Variants in AP3B1 observed in about 807,000 individuals in gnomAD.
AP3B1 encodes the protein adaptor related protein complex 3 subunit beta 1, also known as AP-3 complex subunit beta-1.
Under a neutral mutation model 132.5 loss-of-function variants are expected in AP3B1, and 61 were observed. The observed-to-expected ratio is 0.46, with a 90% CI of 0.37 to 0.57. AP3B1 has a LOEUF of 0.57. Ranked by LOEUF, AP3B1 falls within the 20% of genes least tolerant of loss-of-function variation. AP3B1 has a pLI of 0.00. For synonymous variants in AP3B1, 388 were observed against 438.3 expected (o/e 0.89, Z 1.43); for missense variants, 1,120 against 1,289.4 (o/e 0.87, Z 2.01).
At chr5:78,069,823 C>T (rs113693103) in intron 22 of AP3B1, among the ~76,000 whole-genome samples, 1,638 of 152,112 alleles carry the variant, frequency 0.011, 17 homozygotes, top group Middle Eastern at 0.02. Context: ...ACAAAGCTGG[C>T]GGTATCACTC....
At chr5:78,294,042 C>T (rs1749645212) in intron 1 of AP3B1, among the ~76,000 whole-genome samples, 1 of 152,144 alleles carries the variant, frequency 6.6e-6, no homozygotes, top group South Asian at 2.1e-4. Context: ...CACTCGCACT[C>T]TCACCTTCAC....
intron 1 of AP3B1, among the ~76,000 whole-genome samples, chr5:78,280,112 G>T (rs1580586922): frequency 6.8e-6 from 1 of 147,224 alleles, no homozygotes; most frequent in African/African-American, 2.5e-5. Context: ...GAACTATAAA[G>T]TAATACCTTA....
At chr5:78,127,169 A>G (rs1474545190) in intron 17 of AP3B1, among the ~76,000 whole-genome samples, 1 of 152,174 alleles carries the variant, frequency 6.6e-6, no homozygotes, top group Non-Finnish European at 1.5e-5. Context: ...TCCACTGTAT[A>G]CAGAAAAATT....
chr5:78,020,762 A>G lies in AP3B1; in HGVS notation c.2922T>C (p.Asn974=), dbSNP rs1256709729. Residue 974 remains asparagine, a synonymous_variant, in exon 25 of 27, where the codon AAT becomes AAC. Transcript: ENST00000255194. ...GCAGTTCTCCAACAGGTGGCTGAATATTAACATTGAAGCAATCATCCTTGG... is the reference window on the plus strand; with the variant it reads ...GCAGTTCTCCAACAGGTGGCTGAATGTTAACATTGAAGCAATCATCCTTGG... ...LCTKDDCFNV[N]IQPPVGELLL... 3 of 1,612,430 alleles carry G rather than the reference A, an allele frequency of 1.9e-6. No homozygotes were observed. Among genetic ancestry groups the G allele is most frequent in the Non-Finnish European group, 2.5e-6 (3 of 1,179,156 alleles).
chr5:78,147,214 T>C (rs1753443482), intron 14 of AP3B1, among the ~76,000 whole-genome samples: 2 of 152,088 alleles, frequency 1.3e-5, no homozygotes, highest in South Asian at 4.1e-4. Context: ...TTTGTGCTTA[T>C]TACTTTCTTT....
intron 6 of AP3B1, among the ~76,000 whole-genome samples, chr5:78,224,838 T>C (rs151013235): frequency 2.5e-3 from 384 of 152,146 alleles, no homozygotes; most frequent in Non-Finnish European, 4.4e-3. Context: ...ATCTCCTAAA[T>C]AGATGAAGCA....
At chr5:78,185,428 A>G (rs1236215655) in intron 7 of AP3B1, among the ~76,000 whole-genome samples, 1 of 152,236 alleles carries the variant, frequency 6.6e-6, no homozygotes, top group Non-Finnish European at 1.5e-5. Flanking sequence ...AACTATTTAT[A>G]AAGTGGAGAG....
chr5:78,147,699 TA>T (rs1465982835), intron 14 of AP3B1, among the ~76,000 whole-genome samples: 2 of 152,190 alleles, frequency 1.3e-5, no homozygotes, highest in Non-Finnish European at 2.9e-5. Flanking sequence ...TATAGAGCTG[TA>T]AGACTGTACT....
At chr5:78,191,021 T>C (rs1160779943) in intron 7 of AP3B1, among the ~76,000 whole-genome samples, 2 of 152,172 alleles carry the variant, frequency 1.3e-5, no homozygotes, top group African/African-American at 2.4e-5. Context: ...CTCATTACAC[T>C]GAAACAACTT....
intron 13 of AP3B1, among the ~76,000 whole-genome samples, chr5:78,157,377 A>T (rs920713299): frequency 1.1e-4 from 17 of 152,186 alleles, no homozygotes; most frequent in African/African-American, 3.9e-4. Context: ...ATCCCTTTTA[A>T]GTGTGCCATC....
chr5:78,273,054 C>CATATATGTATGCATATACATAT (rs1748617602), intron 1 of AP3B1, among the ~76,000 whole-genome samples: 4 of 152,052 alleles, frequency 2.6e-5, no homozygotes, highest in Non-Finnish European at 4.4e-5. Context: ...CATATACACA[C>CATATATGTATGCATATACATAT]ACACAAGTAC....
intron 7 of AP3B1, among the ~76,000 whole-genome samples, chr5:78,215,105 T>C (rs767582904): frequency 1.1e-4 from 17 of 152,120 alleles, no homozygotes; most frequent in Non-Finnish European, 2.5e-4. Context: ...TTCCATGTTA[T>C]TTACATTTTT....
intron 1 of AP3B1, among the ~76,000 whole-genome samples, chr5:78,276,881 AAGAAG>A (rs763477973): frequency 1.0e-3 from 97 of 93,220 alleles, no homozygotes; most frequent in African/African-American, 1.7e-3. Flanking sequence ...AAAAAAAAAA[AAGAAG>A]AAGAAGCAAA....
At chr5:78,148,845 T>C (rs995913693) in intron 14 of AP3B1, among the ~76,000 whole-genome samples, 1 of 152,316 alleles carries the variant, frequency 6.6e-6, no homozygotes, top group Non-Finnish European at 1.5e-5. Flanking sequence ...GCTAGTTCAT[T>C]AGCTATTGGT....
intron 7 of AP3B1, among the ~76,000 whole-genome samples, chr5:78,209,843 A>G (rs1745660511): frequency 6.6e-6 from 1 of 152,200 alleles, no homozygotes; most frequent in Admixed American, 6.5e-5. Flanking sequence ...TAAACCATGC[A>G]TATGTTCCTT....
chr5:78,249,952 C>T (rs1257939461), intron 2 of AP3B1, among the ~76,000 whole-genome samples: 1 of 152,132 alleles, frequency 6.6e-6, no homozygotes, highest in Non-Finnish European at 1.5e-5. Context: ...TCTGCTATTG[C>T]ATCAATCCAG....
intron 22 of AP3B1, among the ~76,000 whole-genome samples, chr5:78,045,974 G>A (rs1368641198): frequency 6.6e-6 from 1 of 152,176 alleles, no homozygotes; most frequent in Non-Finnish European, 1.5e-5. Flanking sequence ...GTCCTTGACT[G>A]CTTTTTTACT....
intron 25 of AP3B1, among the ~76,000 whole-genome samples, chr5:78,017,914 T>C (rs1482607418): frequency 1.3e-5 from 2 of 151,956 alleles, no homozygotes; most frequent in African/African-American, 4.8e-5. Flanking sequence ...TGTAATTAAC[T>C]ACTAAAAGGC....
chr5:78,175,839 C>A lies in AP3B1; in HGVS notation c.1041-1G>T. ...TTGTAGGACAATATACTGCACCTCC[C>A]TAGAAATCAAAAGATAATTTTTACT... On this transcript the variant is annotated splice_acceptor_variant, in intron 9 of 26. Transcript: ENST00000255194. LOFTEE classifies it high-confidence loss of function. 1 of 1,608,494 alleles carries A rather than the reference C, an allele frequency of 6.2e-7. No individual in the cohort carries two copies.
Sources: gnomAD v4.1 joint callset for allele counts (sites outside exome capture counted in the v4.1 genomes callset) on GRCh38, gnomAD v4.1.1 for gene constraint, MANE v1.5 for transcripts, NCBI Gene and HGNC (gene_info 2026-07-23, HGNC 2026-07-21) for gene names.